The following DAB2IP variants were observed in gnomAD, a reference collection of about 807,000 sequenced individuals.
DAB2IP encodes the protein disabled homolog 2-interacting protein.
DAB2IP carries 28 observed loss-of-function variants against 107.2 expected under a neutral mutation model. The ratio of observed to expected loss-of-function variants is 0.26; its 90% confidence interval spans 0.19 to 0.36. The LOEUF is 0.36. DAB2IP is among the 10% of genes least tolerant of loss of function. The probability of loss-of-function intolerance (pLI) is 1.00; values close to 1 mark genes in which losing one functional copy is unlikely to be tolerated. For synonymous variants in DAB2IP, 755 were observed against 706.4 expected (o/e 1.07, Z -1.09); for missense variants, 1,400 against 1,644.7 (o/e 0.85, Z 2.57).
At chr9:121,707,379 A>G (rs547864236) in intron 3 of DAB2IP, among the ~76,000 whole-genome samples, 1 of 152,154 alleles carries the variant, frequency 6.6e-6, no homozygotes, top group South Asian at 2.1e-4. Context: ...CTAGTGGTAC[A>G]TTACTGCATC....
intron 2 of DAB2IP, among the ~76,000 whole-genome samples, chr9:121,682,673 G>A (rs1828656668): frequency 6.6e-6 from 1 of 152,194 alleles, no homozygotes; most frequent in African/African-American, 2.4e-5. Context: ...TGTGGGGGAT[G>A]GACTTTGTAA....
At chr9:121,670,874 C>T (rs916378771) in intron 1 of DAB2IP, among the ~76,000 whole-genome samples, 8 of 152,052 alleles carry the variant, frequency 5.3e-5, no homozygotes, top group Non-Finnish European at 1.0e-4. Flanking sequence ...AAAATTAGGC[C>T]GGGCGTGGTG....
intron 1 of DAB2IP, among the ~76,000 whole-genome samples, chr9:121,652,609 T>C (rs1285763339): frequency 1.3e-5 from 2 of 151,960 alleles, no homozygotes; most frequent in East Asian, 3.9e-4. Context: ...CTGGGGAGGC[T>C]GGAGTCCTAG....
At chr9:121,677,666 C>T (rs186438197) in intron 1 of DAB2IP, among the ~76,000 whole-genome samples, 48 of 152,230 alleles carry the variant, frequency 3.2e-4, no homozygotes, top group African/African-American at 1.1e-3. Context: ...GAACCTTTCC[C>T]CCCGCTTTTT....
At chr9:121,700,989 C>G (rs1393072620) in intron 3 of DAB2IP, among the ~76,000 whole-genome samples, 1 of 152,240 alleles carries the variant, frequency 6.6e-6, no homozygotes, top group Non-Finnish European at 1.5e-5. Context: ...GGCAGGCCAC[C>G]CGGTTTGCTG....
At chr9:121,768,539 C>G in exon 10 of DAB2IP, 4 of 1,614,250 alleles carry the variant, frequency 2.5e-6, no homozygotes, top group Non-Finnish European at 1.7e-6. Context: ...GAGACCCTCT[C>G]CAATACAGCC....
At chr9:121,620,522 T>C (rs1309396393) in intron 1 of DAB2IP, among the ~76,000 whole-genome samples, 1 of 152,236 alleles carries the variant, frequency 6.6e-6, no homozygotes, top group Non-Finnish European at 1.5e-5. Flanking sequence ...AGTAGGTTCT[T>C]GGAAGTATCA....
chr9:121,614,410 G>A (rs1205441575), intron 1 of DAB2IP, among the ~76,000 whole-genome samples: 9 of 138,800 alleles, frequency 6.5e-5, no homozygotes, highest in South Asian at 2.2e-4. Flanking sequence ...GCATGGTTTC[G>A]GCTCACTGCA....
chr9:121,728,820 G>T (rs527751490), intron 3 of DAB2IP, among the ~76,000 whole-genome samples: 1 of 151,980 alleles, frequency 6.6e-6, no homozygotes, highest in Admixed American at 6.6e-5. Flanking sequence ...GATTTGGGGA[G>T]GGGGGGACAG....
At chr9:121,649,923 A>C (rs1328579232), upstream of DAB2IP, among the ~76,000 whole-genome samples, 5 of 152,264 alleles carry the variant, frequency 3.3e-5, no homozygotes, top group African/African-American at 1.2e-4. Flanking sequence ...TACCGGCTGC[A>C]TGTGGCCCAG....
intron 1 of DAB2IP, among the ~76,000 whole-genome samples, chr9:121,580,206 T>C (rs1322273511): frequency 6.6e-6 from 1 of 152,180 alleles, no homozygotes; most frequent in Non-Finnish European, 1.5e-5. Flanking sequence ...AATTTGTGCC[T>C]TCTCTGTGCT....
At chr9:121,740,075 A>G (rs1208564303) in intron 3 of DAB2IP, among the ~76,000 whole-genome samples, 3 of 152,066 alleles carry the variant, frequency 2.0e-5, no homozygotes, top group Non-Finnish European at 4.4e-5. Flanking sequence ...TAGGAAAAGG[A>G]GGTGAGAAGG....
At chr9:121,744,378 G>A (rs899475349) in intron 3 of DAB2IP, among the ~76,000 whole-genome samples, 1 of 152,204 alleles carries the variant, frequency 6.6e-6, no homozygotes, top group Non-Finnish European at 1.5e-5. Flanking sequence ...TGGTGTGGTA[G>A]CGTCTTTACT....
At chr9:121,756,189 CA>C (rs1399032696) in intron 3 of DAB2IP, among the ~76,000 whole-genome samples, 1 of 152,192 alleles carries the variant, frequency 6.6e-6, no homozygotes, top group African/African-American at 2.4e-5. Context: ...AACCCTAGAG[CA>C]GGTGTCATCT....
intron 1 of DAB2IP, among the ~76,000 whole-genome samples, chr9:121,572,596 C>A (rs1829971566): frequency 6.6e-6 from 1 of 152,126 alleles, no homozygotes; most frequent in Non-Finnish European, 1.5e-5. Context: ...CATCCCAGCT[C>A]TCTCGGTTAT....
At chr9:121,781,653 TGA>T in intron 15 of DAB2IP, 102 bp downstream of exon 15, 1 of 1,205,326 alleles carries the variant, frequency 8.3e-7, no homozygotes, top group South Asian at 1.3e-5. Flanking sequence ...CTGCAGACAC[TGA>T]GGGGAATAAG....
intron 5 of DAB2IP, among the ~76,000 whole-genome samples, chr9:121,759,494 C>T (rs1033838306): frequency 3.3e-5 from 5 of 152,198 alleles, no homozygotes; most frequent in Non-Finnish European, 7.3e-5. Context: ...GTCCTGGTCA[C>T]CATAGCCATC....
intron 3 of DAB2IP, among the ~76,000 whole-genome samples, chr9:121,727,112 C>T (rs1831274776): frequency 6.6e-6 from 1 of 152,202 alleles, no homozygotes; most frequent in South Asian, 2.1e-4. Context: ...CAGGATAAAG[C>T]ACTCTGAGGG....
chr9:121,743,817 C>T lies in DAB2IP; in HGVS notation c.363-13196C>T, dbSNP rs1197801427. ...CCTGAATGAGCTGGGCGGCAGCAGA[C>T]ACCCTCAGTGAGTGACTGTCACAGG... On this transcript the variant is annotated intron_variant, in intron 3 of 15. Coordinates refer to ENST00000408936, the Ensembl canonical transcript of DAB2IP. Among the ~76,000 whole-genome samples, 2 of 152,332 alleles carry T rather than the reference C, an allele frequency of 1.3e-5. 1 individual carries two copies. Among genetic ancestry groups the T allele is most frequent in the African/African-American group, 4.8e-5 (2 of 41,580 alleles).
Sources: allele counts gnomAD v4.1 joint callset (sites outside exome capture counted in the v4.1 genomes callset), GRCh38; gene constraint gnomAD v4.1.1; transcripts MANE v1.5; gene names NCBI Gene and HGNC (gene_info 2026-07-23, HGNC 2026-07-21).